EXT1: variants seen among roughly 807,000 people sequenced by gnomAD.
The protein encoded by EXT1 is exostosin glycosyltransferase 1, also known as exostosin-1.
EXT1 carries 20 observed loss-of-function variants against 82.5 expected under a neutral mutation model. The ratio of observed to expected loss-of-function variants is 0.24; its 90% confidence interval spans 0.17 to 0.35. The LOEUF is 0.35. EXT1 is among the 10% of genes least tolerant of loss of function. The pLI, the probability that EXT1 is intolerant of heterozygous loss-of-function variation, is 1.00. For missense variants in EXT1, 757 were observed against 936.5 expected (o/e 0.81, Z 2.50); for synonymous variants, 348 against 350.8 (o/e 0.99, Z 0.09).
chr8:118,066,180 A>C (rs1379470325), intron 1 of EXT1, among the ~76,000 whole-genome samples: 1 of 152,164 alleles, frequency 6.6e-6, no homozygotes, highest in Non-Finnish European at 1.5e-5. Flanking sequence ...GCAAGACAGC[A>C]AGACTAACCC....
intron 1 of EXT1, among the ~76,000 whole-genome samples, chr8:117,952,712 G>A (rs1174782755): frequency 1.3e-5 from 2 of 151,728 alleles, no homozygotes; most frequent in Non-Finnish European, 2.9e-5. Flanking sequence ...AGTGAGCCAA[G>A]ATCATGCCAA....
chr8:117,924,600 A>G (rs759087624), intron 1 of EXT1, among the ~76,000 whole-genome samples: 2 of 152,232 alleles, frequency 1.3e-5, no homozygotes, highest in East Asian at 3.8e-4. Flanking sequence ...TCAGAGAAAA[A>G]TAATTATCAC....
chr8:117,909,611 T>C (rs1403971521), intron 1 of EXT1, among the ~76,000 whole-genome samples: 3 of 152,160 alleles, frequency 2.0e-5, no homozygotes, highest in African/African-American at 7.2e-5. Context: ...GGGCCCGACA[T>C]GGATCTGAAA....
intron 1 of EXT1, among the ~76,000 whole-genome samples, chr8:117,899,792 C>T (rs1045663364): frequency 6.6e-6 from 1 of 152,210 alleles, no homozygotes; most frequent in Non-Finnish European, 1.5e-5. Flanking sequence ...CCTTTCAGGG[C>T]TGGGGAGTCA....
intron 1 of EXT1, among the ~76,000 whole-genome samples, chr8:117,951,514 G>A (rs1383447439): frequency 1.3e-5 from 2 of 152,194 alleles, no homozygotes; most frequent in Non-Finnish European, 2.9e-5. Context: ...GAACACAAGG[G>A]AAGAATGAGT....
At chr8:117,839,198 C>T (rs1812233228) in intron 1 of EXT1, among the ~76,000 whole-genome samples, 1 of 152,122 alleles carries the variant, frequency 6.6e-6, no homozygotes, top group African/African-American at 2.4e-5. Flanking sequence ...GGAAGAATAC[C>T]CTTGCAGGAG....
At chr8:118,096,651 GAA>G (rs1817620161) in intron 1 of EXT1, among the ~76,000 whole-genome samples, 1 of 90,100 alleles carries the variant, frequency 1.1e-5, no homozygotes, top group Admixed American at 1.1e-4. Context: ...AGGAAGGAAG[GAA>G]GGAAGGAAGG....
intron 1 of EXT1, among the ~76,000 whole-genome samples, chr8:118,038,586 G>C (rs963489822): frequency 6.6e-6 from 1 of 152,186 alleles, no homozygotes; most frequent in African/African-American, 2.4e-5. Flanking sequence ...CCTGTGACTA[G>C]AACACCTGAC....
At chr8:117,802,368 C>G (rs1224603059) in intron 10 of EXT1, among the ~76,000 whole-genome samples, 1 of 152,138 alleles carries the variant, frequency 6.6e-6, no homozygotes, top group Admixed American at 6.5e-5. Context: ...CAGTCATGCA[C>G]CACATAATGA....
intron 1 of EXT1, among the ~76,000 whole-genome samples, chr8:118,102,914 G>A (rs149283407): frequency 0.02 from 3,008 of 152,166 alleles, 97 homozygotes; most frequent in African/African-American, 0.068. Context: ...CAGCACTTTG[G>A]GAGGCCGAGG....
At chr8:117,832,529 AAAAG>A (rs777524967) in intron 3 of EXT1, among the ~76,000 whole-genome samples, 13 of 124,920 alleles carry the variant, frequency 1.0e-4, no homozygotes, top group Non-Finnish European at 1.7e-4. Flanking sequence ...TTAAAAAAAA[AAAAG>A]AAAAGAAAAG....
At chr8:117,891,243 C>T (rs1326368571) in intron 1 of EXT1, among the ~76,000 whole-genome samples, 4 of 152,186 alleles carry the variant, frequency 2.6e-5, no homozygotes, top group African/African-American at 9.7e-5. Flanking sequence ...TGAGGCTTTA[C>T]AAGCAACGTT....
In EXT1 at chr8:117,816,513, C is replaced by T. The variant is rs17474393; in HGVS notation, c.1632+1922G>A. 2.1e-3 allele frequency among the ~76,000 whole-genome samples: 324 copies of T among 152,258 alleles called. 1 individual carries two copies. Among genetic ancestry groups the T allele is most frequent in the African/African-American group, 7.3e-3 (303 of 41,558 alleles). On this transcript the variant is annotated intron_variant, in intron 7 of 10. Transcript: ENST00000378204. Reference sequence around the variant, plus strand: ...AGGGCACTGAGAGTCAGGGAAAAGACATAGGAAGAACCCAGCCCACTGGAT... The same window carrying T: ...AGGGCACTGAGAGTCAGGGAAAAGATATAGGAAGAACCCAGCCCACTGGAT...
intron 1 of EXT1, among the ~76,000 whole-genome samples, chr8:118,015,296 G>C (rs563887223): frequency 1.1e-4 from 16 of 152,142 alleles, no homozygotes; most frequent in Admixed American, 6.5e-4. Context: ...ACAGAAACTC[G>C]AGAGAGGGGG....
intron 1 of EXT1, among the ~76,000 whole-genome samples, chr8:117,993,087 TAAAAAG>T (rs1435666921): frequency 6.6e-6 from 1 of 152,196 alleles, no homozygotes; most frequent in East Asian, 1.9e-4. Flanking sequence ...GAACAATTTT[TAAAAAG>T]AAAGAGAGAG....
intron 1 of EXT1, among the ~76,000 whole-genome samples, chr8:117,971,881 T>C (rs1468365942): frequency 6.6e-6 from 1 of 152,292 alleles, no homozygotes; most frequent in East Asian, 1.9e-4. Flanking sequence ...CCGGGTGCGG[T>C]GGCTCACGCC....
intron 1 of EXT1, among the ~76,000 whole-genome samples, chr8:118,090,834 C>T (rs1817510969): frequency 8.0e-6 from 1 of 125,356 alleles, no homozygotes; most frequent in African/African-American, 3.0e-5. Flanking sequence ...GATGACACCA[C>T]AGAATTATAT....
At chr8:117,936,194 A>T (rs1341602208) in intron 1 of EXT1, among the ~76,000 whole-genome samples, 4 of 152,032 alleles carry the variant, frequency 2.6e-5, no homozygotes, top group Admixed American at 2.0e-4. Context: ...CACCAACAAA[A>T]CCCTTGAAGA....
intron 1 of EXT1, among the ~76,000 whole-genome samples, chr8:117,906,611 G>A (rs1056663041): frequency 6.6e-6 from 1 of 152,072 alleles, no homozygotes; most frequent in African/African-American, 2.4e-5. Flanking sequence ...TGTTTCCTAC[G>A]AAATTCCTTA....
Sources: allele counts gnomAD v4.1 joint callset (sites outside exome capture counted in the v4.1 genomes callset), GRCh38; gene constraint gnomAD v4.1.1; transcripts MANE v1.5; gene names NCBI Gene and HGNC (gene_info 2026-07-23, HGNC 2026-07-21).